Variants in BEND7 observed in about 807,000 individuals in gnomAD.
The protein encoded by BEND7 is BEN domain containing 7.
A neutral mutation model predicts 50.9 loss-of-function variants in BEND7; 28 were observed. The observed-to-expected ratio is 0.55, with a 90% CI of 0.41 to 0.75. The LOEUF is 0.75. Among genes scored for constraint, BEND7 ranks in the 30% least tolerant of loss-of-function variants. The pLI is 0.00. For synonymous variants in BEND7, 170 were observed against 183.9 expected (o/e 0.92, Z 0.61); for missense variants, 477 against 491.3 (o/e 0.97, Z 0.28).
chr10:13,501,452 G>A (rs1183741362), intron 2 of BEND7, among the ~76,000 whole-genome samples: 1 of 151,764 alleles, frequency 6.6e-6, no homozygotes, highest in Admixed American at 6.6e-5. Flanking sequence ...TATCTGTTAG[G>A]AGCTATTTCA....
intron 2 of BEND7, among the ~76,000 whole-genome samples, chr10:13,501,877 T>TA: frequency 6.6e-6 from 1 of 151,450 alleles, no homozygotes; most frequent in African/African-American, 2.4e-5. Context: ...CCAGGGTATG[T>TA]GTGTGTAAAC....
At chr10:13,439,450 C>T, downstream of BEND7, 5 of 1,613,814 alleles carry the variant, frequency 3.1e-6, no homozygotes, top group Non-Finnish European at 4.2e-6. Context: ...ACTAGGGTCA[C>T]CGCTGCACTC....
intron 6 of BEND7, among the ~76,000 whole-genome samples, chr10:13,454,692 T>C (rs1177492677): frequency 6.6e-6 from 1 of 152,238 alleles, no homozygotes; most frequent in African/African-American, 2.4e-5. Flanking sequence ...ATTTGCATTA[T>C]TTTTTATTGC....
At chr10:13,513,081 T>C (rs2078396579) in intron 2 of BEND7, among the ~76,000 whole-genome samples, 1 of 152,254 alleles carries the variant, frequency 6.6e-6, no homozygotes, top group Non-Finnish European at 1.5e-5. Flanking sequence ...CTGTCTTTCC[T>C]GCATGCAGTG....
intron 6 of BEND7, among the ~76,000 whole-genome samples, chr10:13,472,859 G>A (rs575666004): frequency 4.2e-5 from 6 of 143,006 alleles, no homozygotes; most frequent in Admixed American, 7.0e-5. Flanking sequence ...TGTTAGACTC[G>A]GGGTCGATAC....
upstream of BEND7, among the ~76,000 whole-genome samples, chr10:13,529,314 G>A (rs1482554479): frequency 6.6e-6 from 1 of 151,606 alleles, no homozygotes; most frequent in African/African-American, 2.4e-5. Flanking sequence ...AGCTAACTCC[G>A]TGCACCTCGC....
chr10:13,492,673 T>G lies in BEND7; in HGVS notation c.775A>C (p.Thr259Pro). The change falls in exon 5 of 9, where the codon ACC becomes CCC. Residue 259 changes from threonine to proline, a missense_variant. Thr to Pro is a conservative substitution (Grantham distance 38). Coordinates refer to ENST00000466271, the MANE Select transcript of BEND7 (RefSeq NM_001369863.1). Reference sequence around the variant, plus strand: ...AGAACGCGGCTCTCCTCCGGGGAGGTGTGCTCGGCTGCCTGGAGAGCAGAT... The same window carrying G: ...AGAACGCGGCTCTCCTCCGGGGAGGGGTGCTCGGCTGCCTGGAGAGCAGAT... ...ELSALQAAEH[T>P]SPEESRVLGF... The G allele has an allele frequency of 6.2e-7, 1 of 1,613,892 alleles. No homozygotes were observed. The highest frequency in any genetic ancestry group is 8.5e-7 in the Non-Finnish European group (1 of 1,179,980).
At chr10:13,481,671 T>A (rs1256730919) in intron 5 of BEND7, among the ~76,000 whole-genome samples, 1 of 152,172 alleles carries the variant, frequency 6.6e-6, no homozygotes. Flanking sequence ...TTTTCCCCAA[T>A]GAAAACTTTT....
chr10:13,492,528 G>C, intron 5 of BEND7, 83 bp downstream of exon 5: 1 of 1,523,106 alleles, frequency 6.6e-7, no homozygotes, highest in Non-Finnish European at 8.9e-7. Context: ...TTCTCTAGTT[G>C]TCAAAAGGGA....
At chr10:13,503,404 T>G (rs965141330) in intron 2 of BEND7, among the ~76,000 whole-genome samples, 2 of 152,172 alleles carry the variant, frequency 1.3e-5, no homozygotes, top group African/African-American at 4.8e-5. Context: ...CTGTGGCATG[T>G]TTTAAAGGAT....
intron 6 of BEND7, among the ~76,000 whole-genome samples, chr10:13,467,002 C>T (rs1401595870): frequency 6.6e-6 from 1 of 152,086 alleles, no homozygotes; most frequent in African/African-American, 2.4e-5. Flanking sequence ...GCTGGGAAGG[C>T]GGGTGCGGGG....
chr10:13,507,226 A>T (rs4266969), intron 2 of BEND7, among the ~76,000 whole-genome samples: 346 of 152,304 alleles, frequency 2.3e-3, no homozygotes, highest in African/African-American at 7.7e-3. Flanking sequence ...TATGATTCCA[A>T]GCTGGTAAAG....
chr10:13,457,546 C>T (rs543140879), intron 6 of BEND7, among the ~76,000 whole-genome samples: 1 of 152,342 alleles, frequency 6.6e-6, no homozygotes, highest in South Asian at 2.1e-4. Context: ...ACATTATTGA[C>T]ACCCTAGTTC....
upstream of BEND7, among the ~76,000 whole-genome samples, chr10:13,529,240 C>A (rs1480273901): frequency 2.4e-4 from 36 of 148,694 alleles, no homozygotes; most frequent in Admixed American, 1.7e-3. Flanking sequence ...GGGGACGACG[C>A]CGCCGCCCGG....
At chr10:13,476,981 A>T (rs1329048118) in intron 6 of BEND7, among the ~76,000 whole-genome samples, 1 of 152,258 alleles carries the variant, frequency 6.6e-6, no homozygotes, top group Non-Finnish European at 1.5e-5. Context: ...AAGATTATGT[A>T]AAAAATACAA....
intron 2 of BEND7, among the ~76,000 whole-genome samples, chr10:13,502,579 G>A (rs1441488572): frequency 2.6e-5 from 4 of 152,150 alleles, no homozygotes; most frequent in African/African-American, 7.2e-5. Context: ...TCTGGAAGAG[G>A]TCCCAAAGGA....
chr10:13,504,514 T>A (rs549849008), intron 2 of BEND7, among the ~76,000 whole-genome samples: 1 of 151,886 alleles, frequency 6.6e-6, no homozygotes, highest in Non-Finnish European at 1.5e-5. Context: ...AAAAAAAAAA[T>A]TGGTGAAAAG....
intron 5 of BEND7, among the ~76,000 whole-genome samples, chr10:13,483,196 C>T (rs2075990131): frequency 6.6e-6 from 1 of 152,070 alleles, no homozygotes; most frequent in South Asian, 2.1e-4. Flanking sequence ...GATTCTGATA[C>T]CATTAAACAG....
At chr10:13,529,528 G>T (rs1409019041), upstream of BEND7, among the ~76,000 whole-genome samples, 1 of 152,154 alleles carries the variant, frequency 6.6e-6, no homozygotes, top group Non-Finnish European at 1.5e-5. Flanking sequence ...CAGGCTGGGC[G>T]GATTGTGGAA....
Sources: allele counts gnomAD v4.1 joint callset (sites outside exome capture counted in the v4.1 genomes callset), GRCh38; gene constraint gnomAD v4.1.1; transcripts MANE v1.5; gene names NCBI Gene and HGNC (gene_info 2026-07-23, HGNC 2026-07-21).